The following RANBP2 variants were observed in gnomAD, a reference collection of about 807,000 sequenced individuals.
RANBP2 encodes the protein RAN binding protein 2.
RANBP2 carries 57 observed loss-of-function variants against 303.6 expected under a neutral mutation model. The observed-to-expected ratio is 0.19, with a 90% CI of 0.15 to 0.23. RANBP2 has a LOEUF of 0.23. Among genes scored for constraint, RANBP2 ranks in the 10% least tolerant of loss-of-function variants. The pLI, the probability that RANBP2 is intolerant of heterozygous loss-of-function variation, is 1.00. For synonymous variants in RANBP2, 1,167 were observed against 1,301.5 expected, an observed-to-expected ratio of 0.90 and a Z score of 2.23; for missense variants, 3,138 against 3,780.8, an observed-to-expected ratio of 0.83 and a Z score of 4.46.
At chr2:109,596,127 G>C in the RANBP2 span, among the ~76,000 whole-genome samples, 1 of 152,102 alleles carries the variant, frequency 6.6e-6, no homozygotes, top group Admixed American at 6.6e-5. Context: ...AACCTCCTGG[G>C]CTCAGGCGAT....
the RANBP2 span, among the ~76,000 whole-genome samples, chr2:109,473,589 G>A: frequency 3.9e-4 from 60 of 152,318 alleles, no homozygotes; most frequent in African/African-American, 1.4e-3. Flanking sequence ...ATTCAAAGAA[G>A]ATGGTTTCTG....
At chr2:109,377,311 A>T in the RANBP2 span, among the ~76,000 whole-genome samples, 1 of 152,150 alleles carries the variant, frequency 6.6e-6, no homozygotes, top group Non-Finnish European at 1.5e-5. Context: ...GTGGTGAGCA[A>T]TGGGTCACAG....
chr2:109,044,347 C>T, the RANBP2 span, among the ~76,000 whole-genome samples: 6 of 151,768 alleles, frequency 4.0e-5, no homozygotes, highest in Middle Eastern at 3.4e-3. Context: ...GGTGAAACCC[C>T]ATCTCTACTA....
At chr2:109,613,982 A>T in the RANBP2 span, 1 of 1,152,786 alleles carries the variant, frequency 8.7e-7, no homozygotes, top group Non-Finnish European at 1.1e-6. Flanking sequence ...GGCGGGGCCG[A>T]GCTGGAGGCC....
At chr2:108,996,152 G>A in the RANBP2 span, among the ~76,000 whole-genome samples, 6 of 152,142 alleles carry the variant, frequency 3.9e-5, no homozygotes, top group African/African-American at 4.8e-5. Flanking sequence ...TTCTGATTTG[G>A]GAAGAGGGAG....
At chr2:109,207,000 T>G in the RANBP2 span, among the ~76,000 whole-genome samples, 1 of 152,184 alleles carries the variant, frequency 6.6e-6, no homozygotes, top group Non-Finnish European at 1.5e-5. Context: ...GGCTGAGCGC[T>G]GCATTTGCAG....
At chr2:109,635,458 C>A in the RANBP2 span, among the ~76,000 whole-genome samples, 1 of 152,204 alleles carries the variant, frequency 6.6e-6, no homozygotes, top group Admixed American at 6.5e-5. Flanking sequence ...GCTGGGATTA[C>A]AGATGTGAGC....
the RANBP2 span, among the ~76,000 whole-genome samples, chr2:109,066,129 G>A: frequency 6.7e-6 from 1 of 149,732 alleles, no homozygotes; most frequent in Admixed American, 6.6e-5. Flanking sequence ...TTTTTTCTGA[G>A]ACATAGTATC....
chr2:108,768,515 T>A (rs1354377556), intron 20 of RANBP2, 127 bp downstream of exon 20: 48 of 1,551,858 alleles, frequency 3.1e-5, no homozygotes, highest in Non-Finnish European at 4.1e-5. Flanking sequence ...CCAAAATATT[T>A]GAGCAATTTT....
At chr2:108,774,782 T>C (rs532945851) in intron 23 of RANBP2, among the ~76,000 whole-genome samples, 1 of 151,094 alleles carries the variant, frequency 6.6e-6, no homozygotes, top group Non-Finnish European at 1.5e-5. Context: ...CTCAGCTCAC[T>C]GCAACCTCTG....
the RANBP2 span, chr2:109,543,501 T>TA: frequency 6.6e-6 from 1 of 152,190 alleles, no homozygotes; most frequent in African/African-American, 2.4e-5. Context: ...GGTAATTGTA[T>TA]AAAAAATTTT....
chr2:109,562,799 C>CTAA, the RANBP2 span, among the ~76,000 whole-genome samples: 1 of 152,130 alleles, frequency 6.6e-6, no homozygotes. Flanking sequence ...GATGATTAAT[C>CTAA]TTTAGTGAAG....
At chr2:109,080,087 G>A in the RANBP2 span, among the ~76,000 whole-genome samples, 2 of 152,196 alleles carry the variant, frequency 1.3e-5, no homozygotes, top group Non-Finnish European at 2.9e-5. Context: ...TGGAGGCTTC[G>A]AGCTAGACCA....
At chr2:109,709,650 G>A in the RANBP2 span, among the ~76,000 whole-genome samples, 2 of 152,276 alleles carry the variant, frequency 1.3e-5, no homozygotes, top group Non-Finnish European at 2.9e-5. Context: ...CCTTGGCACT[G>A]TGCCTGGCAC....
chr2:108,800,410 G>A, the RANBP2 span, among the ~76,000 whole-genome samples: 1 of 151,730 alleles, frequency 6.6e-6, no homozygotes, highest in South Asian at 2.1e-4. Flanking sequence ...GAATACAGGC[G>A]CCCACCACCA....
the RANBP2 span, among the ~76,000 whole-genome samples, chr2:109,582,254 G>C: frequency 1.3e-5 from 2 of 152,056 alleles, no homozygotes; most frequent in Non-Finnish European, 2.9e-5. Context: ...AATATAGTTG[G>C]AAGAATCAAT....
At chr2:109,159,826 G>A in the RANBP2 span, among the ~76,000 whole-genome samples, 6 of 152,312 alleles carry the variant, frequency 3.9e-5, no homozygotes, top group Non-Finnish European at 7.3e-5. Context: ...AGAATCTAAC[G>A]CCTCATGATC....
the RANBP2 span, among the ~76,000 whole-genome samples, chr2:109,114,856 C>G: frequency 6.6e-6 from 1 of 152,142 alleles, no homozygotes; most frequent in Non-Finnish European, 1.5e-5. Context: ...TAGTTTCAAA[C>G]AACATCTTTA....
chr2:109,680,898 T>C, the RANBP2 span, among the ~76,000 whole-genome samples: 1 of 152,246 alleles, frequency 6.6e-6, no homozygotes, highest in African/African-American at 2.4e-5. Flanking sequence ...AATTCCACTT[T>C]GTCAAACTTG....
Sources: gnomAD v4.1 joint callset for allele counts (sites outside exome capture counted in the v4.1 genomes callset) on GRCh38, gnomAD v4.1.1 for gene constraint, MANE v1.5 for transcripts, NCBI Gene and HGNC (gene_info 2026-07-23, HGNC 2026-07-21) for gene names.